Variants in TMPRSS11F observed in about 807,000 individuals in gnomAD.
The protein encoded by TMPRSS11F is transmembrane protease serine 11F.
Under a neutral mutation model 60.2 loss-of-function variants are expected in TMPRSS11F, and 47 were observed. The observed-to-expected ratio is 0.78, with a 90% CI of 0.62 to 1.00. The LOEUF (loss-of-function observed/expected upper bound fraction) is 1.00, where lower values mean the gene tolerates loss of function less well. Ranked by LOEUF, TMPRSS11F falls within the 50% of genes least tolerant of loss-of-function variation. TMPRSS11F has a pLI of 0.00. For missense variants in TMPRSS11F, 519 were observed against 522.9 expected (o/e 0.99, Z 0.07); for synonymous variants, 166 against 167.3 (o/e 0.99, Z 0.06).
At chr4:68,073,374 T>A (rs1192926909) in intron 4 of TMPRSS11F, among the ~76,000 whole-genome samples, 2 of 150,166 alleles carry the variant, frequency 1.3e-5, no homozygotes, top group South Asian at 2.1e-4. Context: ...CTTTTCAGAA[T>A]GAATTTAATT....
At chr4:68,057,285 A>C (rs1723066324) in intron 9 of TMPRSS11F, among the ~76,000 whole-genome samples, 1 of 149,128 alleles carries the variant, frequency 6.7e-6, no homozygotes, top group Non-Finnish European at 1.5e-5. Context: ...ACTGTCTCAA[A>C]AAAAAAAAAA....
intron 1 of TMPRSS11F, among the ~76,000 whole-genome samples, chr4:68,124,599 G>A (rs1416787122): frequency 2.0e-5 from 3 of 152,074 alleles, no homozygotes; most frequent in African/African-American, 7.2e-5. Context: ...TGCACTAAAG[G>A]CCTCATTCAT....
At chr4:68,062,393 G>A (rs1723203195) in intron 8 of TMPRSS11F, 5 of 545,406 alleles carry the variant, frequency 9.2e-6, no homozygotes, top group Admixed American at 2.2e-5. Context: ...CTCAGTATTA[G>A]ATGTTCTTTC....
chr4:68,097,942 C>T (rs1724105093), intron 2 of TMPRSS11F, among the ~76,000 whole-genome samples: 3 of 152,066 alleles, frequency 2.0e-5, no homozygotes. Flanking sequence ...TCGGATCTTT[C>T]AAATGTGGTT....
chr4:68,129,204 TA>T (rs1724770750), intron 1 of TMPRSS11F, among the ~76,000 whole-genome samples: 1 of 152,134 alleles, frequency 6.6e-6, no homozygotes, highest in Non-Finnish European at 1.5e-5. Flanking sequence ...AATACAAATT[TA>T]TTTACCTTAA....
chr4:68,126,990 A>G (rs751402552), intron 1 of TMPRSS11F, among the ~76,000 whole-genome samples: 6 of 152,204 alleles, frequency 3.9e-5, no homozygotes, highest in Admixed American at 6.5e-5. Flanking sequence ...TAGTTCTGCA[A>G]AAAGTGACAG....
At chr4:68,096,579 T>A (rs1724080957) in intron 2 of TMPRSS11F, among the ~76,000 whole-genome samples, 1 of 152,186 alleles carries the variant, frequency 6.6e-6, no homozygotes, top group African/African-American at 2.4e-5. Flanking sequence ...CTGTGATCCC[T>A]GGCTGAAGGG....
chr4:68,068,438 T>C (rs1272877445), intron 7 of TMPRSS11F, among the ~76,000 whole-genome samples, 180 bp downstream of exon 7: 1 of 152,070 alleles, frequency 6.6e-6, no homozygotes, highest in African/African-American at 2.4e-5. Context: ...GAACTACAAA[T>C]GACAAAAACT....
chr4:68,058,618 A>G (rs1412895756), intron 9 of TMPRSS11F, among the ~76,000 whole-genome samples: 1 of 152,242 alleles, frequency 6.6e-6, no homozygotes, highest in Non-Finnish European at 1.5e-5. Flanking sequence ...AAGCTAGATA[A>G]ATAAACATAC....
intron 2 of TMPRSS11F, among the ~76,000 whole-genome samples, chr4:68,094,947 A>T (rs1201779466): frequency 1.3e-5 from 2 of 152,216 alleles, no homozygotes; most frequent in South Asian, 4.1e-4. Context: ...TGTTGAAAAT[A>T]TAATTTACTA....
At chr4:68,076,081 A>C (rs770944491) in intron 3 of TMPRSS11F, among the ~76,000 whole-genome samples, 2 of 152,186 alleles carry the variant, frequency 1.3e-5, no homozygotes, top group Non-Finnish European at 2.9e-5. Context: ...CAGTTAACAG[A>C]CAAAAGTTTG....
At chr4:68,100,858 G>A (rs1333765290) in intron 1 of TMPRSS11F, among the ~76,000 whole-genome samples, 2 of 152,030 alleles carry the variant, frequency 1.3e-5, no homozygotes, top group Non-Finnish European at 2.9e-5. Context: ...AAGTTACTAT[G>A]TACTCATGTG....
intron 2 of TMPRSS11F, among the ~76,000 whole-genome samples, chr4:68,092,943 T>C (rs1226640329): frequency 6.6e-6 from 1 of 152,202 alleles, no homozygotes; most frequent in East Asian, 1.9e-4. Context: ...GTCACTATAC[T>C]ATAGCAATTA....
rs533456724 is a variant in TMPRSS11F at position 68,090,329 on chromosome 4, T to G, written c.282+194A>C. On this transcript the variant is annotated intron_variant, in intron 3 of 9. Coordinates refer to ENST00000356291, the MANE Select transcript of TMPRSS11F (RefSeq NM_207407.2). The stretch of plus-strand genomic sequence containing the variant: ...TGCCTACTCTAATCTACTATATACA[T>G]TTGATGGTGCACACAGTATACTGAA... Among the ~76,000 whole-genome samples the G allele has an allele frequency of 4.6e-5, 7 of 152,202 alleles. No individual in the cohort carries two copies. The East Asian group carries it at 1.2e-3, about 25-fold the overall frequency.
At chr4:68,058,462 G>T (rs1408637463) in intron 9 of TMPRSS11F, among the ~76,000 whole-genome samples, 1 of 152,166 alleles carries the variant, frequency 6.6e-6, no homozygotes, top group African/African-American at 2.4e-5. Context: ...TGGACAATAG[G>T]TGTCTATGAA....
intron 2 of TMPRSS11F, among the ~76,000 whole-genome samples, chr4:68,093,913 G>C (rs1724009748): frequency 8.0e-6 from 1 of 125,072 alleles, no homozygotes; most frequent in South Asian, 2.8e-4. Context: ...GTGCTGGAGA[G>C]GATGTGGAGA....
intron 1 of TMPRSS11F, among the ~76,000 whole-genome samples, chr4:68,116,201 T>C (rs1724515713): frequency 6.6e-6 from 1 of 152,160 alleles, no homozygotes; most frequent in South Asian, 2.1e-4. Context: ...ATAGGAAATA[T>C]ACACGTATTA....
chr4:68,084,882 C>T (rs866574061), intron 3 of TMPRSS11F, among the ~76,000 whole-genome samples: 3 of 121,094 alleles, frequency 2.5e-5, no homozygotes, highest in Non-Finnish European at 5.1e-5. Flanking sequence ...TATCCCTCCC[C>T]CCTCCCCCCA....
intron 2 of TMPRSS11F, among the ~76,000 whole-genome samples, chr4:68,091,747 ATCTCTCTCTCTC>A (rs372346277): frequency 4.2e-5 from 3 of 71,592 alleles, no homozygotes; most frequent in African/African-American, 1.3e-4. Flanking sequence ...TTAATCTCTA[ATCTCTCTCTCTC>A]TCTCTCTCTC....
Sources: allele counts gnomAD v4.1 joint callset (sites outside exome capture counted in the v4.1 genomes callset), GRCh38; gene constraint gnomAD v4.1.1; transcripts MANE v1.5; gene names NCBI Gene and HGNC (gene_info 2026-07-23, HGNC 2026-07-21).